CAMTA1: variants seen among roughly 807,000 people sequenced by gnomAD.
CAMTA1 encodes calmodulin-binding transcription activator 1.
CAMTA1 carries 27 observed loss-of-function variants against 170.9 expected under a neutral mutation model. The ratio of observed to expected loss-of-function variants is 0.16; its 90% CI spans 0.12 to 0.22. CAMTA1 has a LOEUF of 0.22. Ranked by LOEUF, CAMTA1 falls within the 10% of genes least tolerant of loss-of-function variation. CAMTA1 has a pLI of 1.00. For missense variants in CAMTA1, 1,619 were observed against 2,217.2 expected (o/e 0.73, Z 5.42); for synonymous variants, 833 against 891.5 (o/e 0.93, Z 1.17).
At chr1:7,491,420 C>T (rs1037384368) in intron 6 of CAMTA1, among the ~76,000 whole-genome samples, 6 of 152,226 alleles carry the variant, frequency 3.9e-5, no homozygotes, top group Admixed American at 1.3e-4. Context: ...AACCCTGAAT[C>T]CCCCCGCCCA....
At chr1:7,360,858 C>T (rs532411642) in intron 5 of CAMTA1, among the ~76,000 whole-genome samples, 81 of 152,322 alleles carry the variant, frequency 5.3e-4, no homozygotes, top group African/African-American at 1.8e-3. Flanking sequence ...AATTGGCAGT[C>T]GGGACACACA....
intron 4 of CAMTA1, among the ~76,000 whole-genome samples, chr1:7,131,917 T>C (rs1408248481): frequency 6.6e-6 from 1 of 151,904 alleles, no homozygotes; most frequent in East Asian, 1.9e-4. Context: ...TTAGCCGGCA[T>C]GGTGGCACAT....
At chr1:7,255,100 G>T (rs1003675296) in intron 5 of CAMTA1, among the ~76,000 whole-genome samples, 1 of 152,104 alleles carries the variant, frequency 6.6e-6, no homozygotes, top group African/African-American at 2.4e-5. Context: ...GAAGACATGG[G>T]CACAGGGAGG....
intron 3 of CAMTA1, chr1:6,853,333 G>A (rs1345255578): frequency 1.3e-5 from 2 of 152,204 alleles, no homozygotes; most frequent in Non-Finnish European, 2.9e-5. Flanking sequence ...TGCCCAGGAA[G>A]TGGTAAAAAT....
At chr1:7,755,533 A>C in intron 21 of CAMTA1, 105 bp from the exon 22 acceptor site, 3 of 917,944 alleles carry the variant, frequency 3.3e-6, no homozygotes, top group Non-Finnish European at 3.5e-6. Flanking sequence ...TTTCCAAAAA[A>C]GAAACCATGT....
chr1:7,276,303 ATT>A (rs1180773965), intron 5 of CAMTA1, among the ~76,000 whole-genome samples: 14 of 24,224 alleles, frequency 5.8e-4, no homozygotes, highest in Admixed American at 1.3e-3. Flanking sequence ...ATATATATAT[ATT>A]TTTTTTTTTT....
intron 4 of CAMTA1, among the ~76,000 whole-genome samples, chr1:7,196,453 C>T (rs1405213581): frequency 2.6e-5 from 4 of 152,122 alleles, no homozygotes; most frequent in Non-Finnish European, 4.4e-5. Context: ...TCACAGAGCC[C>T]CTGACCAGTG....
intron 5 of CAMTA1, among the ~76,000 whole-genome samples, chr1:7,308,901 G>A (rs1305942993): frequency 6.6e-6 from 1 of 152,224 alleles, no homozygotes; most frequent in Non-Finnish European, 1.5e-5. Context: ...TACTGACTGA[G>A]AGAGAAGTAC....
intron 4 of CAMTA1, among the ~76,000 whole-genome samples, chr1:7,201,271 A>T (rs1360947737): frequency 6.6e-6 from 1 of 152,224 alleles, no homozygotes; most frequent in Admixed American, 6.5e-5. Context: ...CATTATATGG[A>T]TATAACTCAT....
chr1:7,476,386 T>C (rs1276598054), intron 6 of CAMTA1, among the ~76,000 whole-genome samples: 1 of 152,138 alleles, frequency 6.6e-6, no homozygotes, highest in East Asian at 1.9e-4. Flanking sequence ...AGACACAGAA[T>C]GGGCGGGGCG....
At chr1:6,953,462 G>A (rs1481147546) in intron 3 of CAMTA1, among the ~76,000 whole-genome samples, 2 of 152,238 alleles carry the variant, frequency 1.3e-5, no homozygotes, top group Non-Finnish European at 2.9e-5. Context: ...GGAGGCTGTG[G>A]CTTCAGGCCT....
chr1:7,558,031 C>T (rs960152936), intron 6 of CAMTA1, among the ~76,000 whole-genome samples: 7 of 152,178 alleles, frequency 4.6e-5, no homozygotes, highest in African/African-American at 1.4e-4. Flanking sequence ...CTGCCATTCC[C>T]GGCATCCTGA....
chr1:7,476,661 G>A (rs2093424389), intron 6 of CAMTA1, among the ~76,000 whole-genome samples: 1 of 152,132 alleles, frequency 6.6e-6, no homozygotes, highest in Non-Finnish European at 1.5e-5. Context: ...GGGAGCATGG[G>A]GAAGGGCCTG....
chr1:7,233,842 T>C (rs965580351), intron 4 of CAMTA1, among the ~76,000 whole-genome samples: 7 of 152,118 alleles, frequency 4.6e-5, no homozygotes, highest in Non-Finnish European at 7.4e-5. Flanking sequence ...CTCTCTTTAA[T>C]CCCTCGGCCT....
At chr1:7,427,739 T>C (rs1237741911) in intron 5 of CAMTA1, among the ~76,000 whole-genome samples, 1 of 152,224 alleles carries the variant, frequency 6.6e-6, no homozygotes, top group Non-Finnish European at 1.5e-5. Flanking sequence ...CCTCTCCCTC[T>C]GCACACATTC....
At position 6,947,469 on chromosome 1, in the gene CAMTA1, C is replaced by T. The variant is rs149769664; in HGVS notation, c.234+122259C>T. On this transcript the variant is annotated intron_variant, in intron 3 of 22. Coordinates refer to ENST00000303635, the MANE Select transcript of CAMTA1 (RefSeq NM_015215.4). ...TGGCTCACTGCAACCTCCACCTTCT[C>T]GGTTCAAGTGATTATCTCATCTCAC... Among the ~76,000 whole-genome samples, 47 of 151,758 alleles carry T rather than the reference C, an allele frequency of 3.1e-4. 2 individuals carry two copies. Among genetic ancestry groups the T allele is most frequent in the Admixed American group, 2.2e-3 (33 of 15,234 alleles).
intron 4 of CAMTA1, among the ~76,000 whole-genome samples, chr1:7,188,738 T>G (rs1653951014): frequency 6.6e-6 from 1 of 152,226 alleles, no homozygotes; most frequent in African/African-American, 2.4e-5. Flanking sequence ...GTTCTCTACC[T>G]TTTGGCTATG....
intron 5 of CAMTA1, among the ~76,000 whole-genome samples, chr1:7,261,629 G>A (rs772204006): frequency 2.6e-5 from 4 of 152,180 alleles, no homozygotes; most frequent in Non-Finnish European, 4.4e-5. Context: ...TAGGCTTTGC[G>A]GATGGTGGAG....
intron 6 of CAMTA1, among the ~76,000 whole-genome samples, chr1:7,470,319 C>T (rs1005751944): frequency 1.1e-4 from 16 of 152,226 alleles, no homozygotes; most frequent in African/African-American, 3.6e-4. Flanking sequence ...CAGCCGGTGC[C>T]GCTCAGGGCA....
Sources: gnomAD v4.1 joint callset for allele counts (sites outside exome capture counted in the v4.1 genomes callset) on GRCh38, gnomAD v4.1.1 for gene constraint, MANE v1.5 for transcripts, NCBI Gene and HGNC (gene_info 2026-07-23, HGNC 2026-07-21) for gene names.